Variants in TEX46 observed in about 807,000 individuals in gnomAD.
The protein encoded by TEX46 is testis expressed 46.
A neutral mutation model predicts 5.3 loss-of-function variants in TEX46; 6 were observed. The observed-to-expected ratio is 1.13, with a 90% CI of 0.62 to 2.23. The LOEUF is 2.23. Ranked by LOEUF, TEX46 falls within the 30% of genes most tolerant of loss-of-function variation. The probability of loss-of-function intolerance (pLI) is 0.00; values close to 1 mark genes in which losing one functional copy is unlikely to be tolerated. For synonymous variants in TEX46, 41 were observed against 54.6 expected, an observed-to-expected ratio of 0.75 and a Z score of 1.10; for missense variants, 131 against 150.9, an observed-to-expected ratio of 0.87 and a Z score of 0.69.
At chr1:23,011,392 C>CTT (rs35145511) in intron 2 of TEX46, among the ~76,000 whole-genome samples, 18 of 133,244 alleles carry the variant, frequency 1.4e-4, no homozygotes, top group African/African-American at 4.2e-4. Flanking sequence ...AAGTCACTTT[C>CTT]TTTTTTTTTT....
intron 1 of TEX46, among the ~76,000 whole-genome samples, chr1:23,015,424 A>T (rs1641405549): frequency 7.8e-6 from 1 of 127,974 alleles, no homozygotes; most frequent in Non-Finnish European, 1.6e-5. Context: ...CGACAACAGT[A>T]AGACTCCTTC....
At position 23,014,053 on chromosome 1, in the gene TEX46, GA is replaced by G. The variant is rs1426014148; in HGVS notation, c.3-9del. The G allele has an allele frequency of 1.1e-5, 17 of 1,535,090 alleles. No individual in the cohort carries two copies. Among genetic ancestry groups the G allele is most frequent in the Non-Finnish European group, 1.5e-5 (17 of 1,146,408 alleles). ...AGTATCCCATGGAGACTCCTAAAGA[GA>G]AATATCAGTTCTGCCAGCATTATGG... On this transcript the variant is annotated splice_polypyrimidine_tract_variant and intron_variant, in intron 1 of 2. Transcript: ENST00000566855.
intron 2 of TEX46, among the ~76,000 whole-genome samples, chr1:23,013,012 G>A (rs1016608401): frequency 1.4e-4 from 21 of 151,520 alleles, no homozygotes; most frequent in African/African-American, 3.9e-4. Flanking sequence ...CTACAGGCAC[G>A]CACCACCATG....
At chr1:23,011,580 TTTTGTA>T (rs1641352227) in intron 2 of TEX46, among the ~76,000 whole-genome samples, 1 of 151,856 alleles carries the variant, frequency 6.6e-6, no homozygotes, top group African/African-American at 2.4e-5. Flanking sequence ...TAGTAGAAAT[TTTTGTA>T]TTTGTATTTG....
chr1:23,013,582 T>TA (rs1429385714), intron 2 of TEX46, among the ~76,000 whole-genome samples: 1 of 152,228 alleles, frequency 6.6e-6, no homozygotes, highest in African/African-American at 2.4e-5. Flanking sequence ...TTAATTTTTT[T>TA]TATTTTTTTC....
In TEX46 at chr1:23,013,987, T is replaced by A. The variant is rs1490172769; in HGVS notation, c.61A>T (p.Met21Leu). ...GTIGAVAAWLMSYKPALFGFL... is the reference protein window; with the variant it reads ...GTIGAVAAWLLSYKPALFGFL... ...CCAAACAAGGCTGGCTTATAGCTCA[T>A]CAGCCAAGCTGCCACTGCTCCTATG... Residue 21 changes from methionine (M) to leucine (L), a missense_variant, in exon 2 of 3, where the codon ATG (methionine) becomes TTG (leucine). Met to Leu is a conservative substitution (Grantham distance 15, BLOSUM62 2). Transcript: ENST00000566855. The A allele has an allele frequency of 6.5e-7, 1 of 1,535,962 alleles. No individual in the cohort carries two copies. Among genetic ancestry groups the A allele is most frequent in the Non-Finnish European group, 8.7e-7 (1 of 1,146,898 alleles).
chr1:23,013,842 C>T, intron 2 of TEX46, 41 bp downstream of exon 2: 1 of 1,523,860 alleles, frequency 6.6e-7, no homozygotes, highest in Non-Finnish European at 8.8e-7. Context: ...TGCAAATATC[C>T]CCTATCCCTG....
At chr1:23,014,095 G>T in intron 1 of TEX46, 50 bp from the exon 2 acceptor site, 7 of 1,509,474 alleles carry the variant, frequency 4.6e-6, no homozygotes, top group Non-Finnish European at 3.5e-6. Context: ...AGGCACACAG[G>T]CCCCAGGACC....
intron 1 of TEX46, among the ~76,000 whole-genome samples, chr1:23,014,503 T>C (rs1641394294): frequency 1.3e-5 from 2 of 152,152 alleles, no homozygotes; most frequent in South Asian, 4.1e-4. Flanking sequence ...ATATGTAATA[T>C]TGATTAGGTT....
At chr1:23,011,678 G>A (rs1641353046) in intron 2 of TEX46, among the ~76,000 whole-genome samples, 1 of 152,210 alleles carries the variant, frequency 6.6e-6, no homozygotes, top group Non-Finnish European at 1.5e-5. Context: ...GCCCGCCTTG[G>A]CCTCCCAAGG....
Position 23,013,226 on chromosome 1 carries a change from G to A in TEX46, c.165+657C>T, listed in dbSNP as rs1037715627. On this transcript the variant is annotated intron_variant, in intron 2 of 2. Transcript: ENST00000566855. ...CTTGCTCTGTTGCCCAGGCTGGAGT[G>A]CAGTGGCATGATCTCAGCTCACTGC... 9.3e-5 allele frequency among the ~76,000 whole-genome samples: 14 copies of A among 151,268 alleles called. No homozygotes were observed. In the East Asian group the frequency reaches 2.8e-3, roughly 30 times the overall value.
intron 2 of TEX46, among the ~76,000 whole-genome samples, chr1:23,011,524 C>G (rs1444229597): frequency 6.6e-6 from 1 of 151,996 alleles, no homozygotes; most frequent in Non-Finnish European, 1.5e-5. Flanking sequence ...TCCAGAGTAG[C>G]TGGGATTACA....
chr1:23,012,372 G>C (rs931945647), intron 2 of TEX46, among the ~76,000 whole-genome samples: 1 of 150,232 alleles, frequency 6.7e-6, no homozygotes, highest in Non-Finnish European at 1.5e-5. Flanking sequence ...AAAAAAAAAA[G>C]GTTAACTGAA....
At chr1:23,015,703 T>TGAG in intron 1 of TEX46, 69 bp downstream of exon 1, 1 of 682,828 alleles carries the variant, frequency 1.5e-6, no homozygotes, top group Non-Finnish European at 2.7e-6. Context: ...AGATGAACCT[T>TGAG]GAGGACATTA....
Position 23,012,271 on chromosome 1 carries a change from G to A in TEX46, c.166-1170C>T, listed in dbSNP as rs903287984. ...GGTGGAAGGATCACCTGATCCCAGG[G>A]AGGTCGAGGCTGCAGTGAGCCATGG... On this transcript the variant is annotated intron_variant, in intron 2 of 2. Coordinates refer to ENST00000566855, the MANE Select transcript of TEX46 (RefSeq NM_001242521.2). Among the ~76,000 whole-genome samples the A allele has an allele frequency of 3.3e-5, 5 of 151,990 alleles. No individual in the cohort carries two copies. The South Asian group carries it at 1.0e-3, about 32-fold the overall frequency.
Position 23,013,935 on chromosome 1 carries a change from C to T in TEX46, c.113G>A (p.Ser38Asn). ...GTGTTCATACTTGACCAACCAGTTG[C>T]TAAGCAACAGCAGAAGGAATAGGAA... Reference protein sequence around the residue: ...FGFLFLLLLLSNWLVKYEHKL... With the variant: ...FGFLFLLLLLNNWLVKYEHKL... The change falls in exon 2 of 3, where the codon AGC becomes AAC. Residue 38 changes from serine to asparagine, a missense_variant. Transcript: ENST00000566855. 1 of 1,536,116 alleles carries T rather than the reference C, an allele frequency of 6.5e-7. No homozygotes were observed. Among genetic ancestry groups the T allele is most frequent in the Non-Finnish European group, 8.7e-7 (1 of 1,146,898 alleles).
chr1:23,015,639 A>G, intron 1 of TEX46, 133 bp downstream of exon 1: 1 of 602,490 alleles, frequency 1.7e-6, no homozygotes, highest in East Asian at 2.8e-5. Flanking sequence ...AATGTTATAT[A>G]CACGCAATAT....
At chr1:23,011,461 C>T (rs1641350748) in intron 2 of TEX46, among the ~76,000 whole-genome samples, 2 of 148,044 alleles carry the variant, frequency 1.4e-5, no homozygotes, top group South Asian at 4.3e-4. Context: ...GGTGTGATCT[C>T]GGCTCACTGC....
intron 1 of TEX46, among the ~76,000 whole-genome samples, chr1:23,014,708 T>C (rs1641396712): frequency 6.6e-6 from 1 of 151,822 alleles, no homozygotes; most frequent in African/African-American, 2.4e-5. Flanking sequence ...CATGTGCCAC[T>C]ATGCCCAGCT....
Sources: allele counts gnomAD v4.1 joint callset (sites outside exome capture counted in the v4.1 genomes callset), GRCh38; gene constraint gnomAD v4.1.1; transcripts MANE v1.5; gene names NCBI Gene and HGNC (gene_info 2026-07-23, HGNC 2026-07-21).